CNTN3: variants seen among roughly 807,000 people sequenced by gnomAD.
The protein encoded by CNTN3 is contactin 3.
Under a neutral mutation model 119.1 loss-of-function variants are expected in CNTN3, and 60 were observed. The ratio of observed to expected loss-of-function variants is 0.50; its 90% CI spans 0.41 to 0.62. The LOEUF is 0.62. Among genes scored for constraint, CNTN3 ranks in the 20% least tolerant of loss-of-function variants. CNTN3 has a pLI of 0.00. For missense variants in CNTN3, 1,101 were observed against 1,242.4 expected (o/e 0.89, Z 1.71); for synonymous variants, 450 against 438.7 (o/e 1.03, Z -0.32).
In CNTN3 at chr3:74,301,402, C is replaced by T. The variant is rs749374966; in HGVS notation, c.2091G>A (p.Glu697=). The change falls in exon 16 of 23, where the codon GAG becomes GAA. Residue 697 remains glutamate, a synonymous_variant. Coordinates refer to ENST00000263665, the MANE Select transcript of CNTN3 (RefSeq NM_020872.3). ...SLPSEKVRTE[E]AVPEVPPSEV... is the part of the protein sequence containing the mutation. ...CTCAGAAAAAAAAACACTAACCTGC[C>T]TCTTCAGTTCTTACTTTTTCTGAGG... is the stretch of plus-strand genomic sequence containing the variant. 1 of 1,613,424 alleles carries T rather than the reference C, an allele frequency of 6.2e-7. No individual in the cohort carries two copies. The highest frequency in any genetic ancestry group is 8.5e-7 in the Non-Finnish European group (1 of 1,179,776).
chr3:74,547,042 C>A (rs28523875), intron 1 of CNTN3, among the ~76,000 whole-genome samples: 5,312 of 152,280 alleles, frequency 0.035, 149 homozygotes, highest in African/African-American at 0.068. Flanking sequence ...TCATTCCCAT[C>A]CACTTATCCA....
At chr3:74,374,001 AC>A (rs1251305046) in intron 5 of CNTN3, among the ~76,000 whole-genome samples, 2 of 152,068 alleles carry the variant, frequency 1.3e-5, no homozygotes, top group African/African-American at 4.8e-5. Context: ...TCTACCTGCT[AC>A]CCCAGGAGCA....
chr3:74,398,245 G>A (rs1244610349), intron 5 of CNTN3, among the ~76,000 whole-genome samples: 2 of 152,168 alleles, frequency 1.3e-5, no homozygotes, highest in Admixed American at 1.3e-4. Flanking sequence ...GTCAATTGAT[G>A]TGGCACACTT....
chr3:74,444,797 G>T (rs1486239553), intron 4 of CNTN3, among the ~76,000 whole-genome samples: 1 of 152,036 alleles, frequency 6.6e-6, no homozygotes. Flanking sequence ...CTGAATATGG[G>T]CTTTCTTCAC....
chr3:74,456,147 G>A (rs1417699881), intron 4 of CNTN3, among the ~76,000 whole-genome samples: 1 of 151,946 alleles, frequency 6.6e-6, no homozygotes, highest in African/African-American at 2.4e-5. Context: ...GCTGCTTGGA[G>A]ACTTAGGAAA....
At chr3:74,443,969 T>C (rs776326470) in intron 4 of CNTN3, among the ~76,000 whole-genome samples, 5 of 152,130 alleles carry the variant, frequency 3.3e-5, no homozygotes, top group Non-Finnish European at 5.9e-5. Context: ...GTTGGCAGGA[T>C]CATGCTCCCT....
intron 11 of CNTN3, among the ~76,000 whole-genome samples, chr3:74,348,078 T>C (rs576549346): frequency 3.9e-5 from 6 of 152,316 alleles, no homozygotes; most frequent in African/African-American, 9.6e-5. Flanking sequence ...GGTTCTGTTA[T>C]GCAGACTGAG....
At chr3:74,454,100 T>G (rs1455427944) in intron 4 of CNTN3, among the ~76,000 whole-genome samples, 5 of 126,728 alleles carry the variant, frequency 3.9e-5, no homozygotes, top group African/African-American at 1.2e-4. Context: ...TGTCTAATGT[T>G]GACAGTGGGG....
At chr3:74,374,114 T>C (rs779748133) in intron 5 of CNTN3, among the ~76,000 whole-genome samples, 7 of 152,054 alleles carry the variant, frequency 4.6e-5, no homozygotes, top group South Asian at 4.1e-4. Flanking sequence ...TAACGGGCAA[T>C]TTTGGCTCGG....
At chr3:74,264,613 C>T in intron 22 of CNTN3, 112 bp from the exon 23 acceptor site, 1 of 598,740 alleles carries the variant, frequency 1.7e-6, no homozygotes, top group Non-Finnish European at 2.9e-6. Context: ...GAAATCCTAA[C>T]CCTCAATGTC....
intron 5 of CNTN3, among the ~76,000 whole-genome samples, chr3:74,419,203 T>A (rs773225426): frequency 6.6e-6 from 1 of 152,182 alleles, no homozygotes; most frequent in South Asian, 2.1e-4. Context: ...TTAAACTGTT[T>A]AAGGAAATTG....
chr3:74,416,714 G>C (rs957293136), intron 5 of CNTN3, among the ~76,000 whole-genome samples: 1 of 152,106 alleles, frequency 6.6e-6, no homozygotes, highest in African/African-American at 2.4e-5. Context: ...CCAGCTGGGC[G>C]CAGTGGCTCA....
intron 1 of CNTN3, among the ~76,000 whole-genome samples, chr3:74,606,205 G>A (rs1214763985): frequency 1.3e-5 from 2 of 152,062 alleles, no homozygotes; most frequent in Non-Finnish European, 2.9e-5. Context: ...CAGAGAGGCA[G>A]ATAAAAAGAT....
At chr3:74,470,204 T>C (rs563370660) in intron 4 of CNTN3, among the ~76,000 whole-genome samples, 106 of 152,202 alleles carry the variant, frequency 7.0e-4, no homozygotes, top group Middle Eastern at 6.8e-3. Context: ...AATGGAGAGA[T>C]GGCTAATGGG....
At chr3:74,524,116 A>G (rs1007514406) in intron 1 of CNTN3, among the ~76,000 whole-genome samples, 2 of 151,928 alleles carry the variant, frequency 1.3e-5, no homozygotes, top group Non-Finnish European at 2.9e-5. Context: ...AGGCATAAAG[A>G]AGGTGATTGT....
intron 4 of CNTN3, among the ~76,000 whole-genome samples, chr3:74,473,512 T>A (rs1702602411): frequency 6.6e-6 from 1 of 152,208 alleles, no homozygotes; most frequent in Admixed American, 6.5e-5. Context: ...TGAAAAGAGA[T>A]TAGCTTTGGT....
At chr3:74,563,527 G>T (rs1210764569) in intron 1 of CNTN3, among the ~76,000 whole-genome samples, 3 of 152,088 alleles carry the variant, frequency 2.0e-5, no homozygotes, top group Non-Finnish European at 4.4e-5. Context: ...CAGCCAGTAA[G>T]TTCTTACAAA....
At chr3:74,389,351 T>A (rs917999549) in intron 5 of CNTN3, among the ~76,000 whole-genome samples, 1 of 152,176 alleles carries the variant, frequency 6.6e-6, no homozygotes, top group Non-Finnish European at 1.5e-5. Context: ...AGATTATGTC[T>A]GACTCTCATA....
intron 1 of CNTN3, among the ~76,000 whole-genome samples, chr3:74,577,894 C>CA (rs1704443969): frequency 6.6e-6 from 1 of 151,972 alleles, no homozygotes; most frequent in Non-Finnish European, 1.5e-5. Context: ...GCAAGCATTC[C>CA]ATATGTATTT....
Sources: gnomAD v4.1 joint callset for allele counts (sites outside exome capture counted in the v4.1 genomes callset) on GRCh38, gnomAD v4.1.1 for gene constraint, MANE v1.5 for transcripts, NCBI Gene and HGNC (gene_info 2026-07-23, HGNC 2026-07-21) for gene names.